PCSK5: variants seen among roughly 807,000 people sequenced by gnomAD.
The protein encoded by PCSK5 is prohormone convertase 5.
In PCSK5, 129 loss-of-function variants were observed where a neutral mutation model predicts 233.2. The ratio of observed to expected loss-of-function variants is 0.55; its 90% CI spans 0.48 to 0.64. The LOEUF is 0.64. Among genes scored for constraint, PCSK5 ranks in the 30% least tolerant of loss-of-function variants. The pLI is 0.00. For synonymous variants in PCSK5, 825 were observed against 879.2 expected (o/e 0.94, Z 1.09); for missense variants, 2,076 against 2,430.1 (o/e 0.85, Z 3.06).
In PCSK5 at chr9:76,354,113, C is replaced by T. The variant is rs1257310652; in HGVS notation, c.5148C>T (p.Cys1716=). The stretch of plus-strand genomic sequence containing the variant: ...CAGGGGCCAAGAACTGCACCTTGTG[C>T]CCTGCCAACCTGGTGCTGCACATGG... ...KGPGAKNCTL[C]PANLVLHMDD... Residue 1716 remains cysteine, a synonymous_variant, in exon 37 of 38, where the codon TGC becomes TGT. Transcript: ENST00000674117. The T allele has an allele frequency of 1.9e-6, 3 of 1,604,576 alleles. No homozygotes were observed. Among genetic ancestry groups the T allele is most frequent in the Middle Eastern group, 1.7e-4 (1 of 6,054 alleles).
chr9:75,967,732 C>A (rs1026792778), intron 2 of PCSK5, among the ~76,000 whole-genome samples: 2 of 151,306 alleles, frequency 1.3e-5, no homozygotes, highest in Admixed American at 1.3e-4. Flanking sequence ...AACTCCCTCA[C>A]TGGGCTGTGA....
At chr9:76,354,644 G>C (rs574108609) in intron 37 of PCSK5, among the ~76,000 whole-genome samples, 9 of 152,158 alleles carry the variant, frequency 5.9e-5, no homozygotes, top group Non-Finnish European at 1.2e-4. Flanking sequence ...GGGCGTGGTG[G>C]TGCATACCTG....
intron 2 of PCSK5, among the ~76,000 whole-genome samples, chr9:75,981,040 A>G (rs1041408600): frequency 2.4e-4 from 37 of 152,238 alleles, no homozygotes; most frequent in African/African-American, 8.4e-4. Context: ...AGTTAGTTCA[A>G]AAAAGATACA....
rs1488870030 is a variant in PCSK5, at chr9:76,332,532, G to T, written c.4670G>T (p.Arg1557Ile). ...AGCTCTTGCAGGACATGTGAAGGGA[G>T]ACACAGCAGGCAGTGCCACTCCTGC... ...CHSSCRTCEG[R>I]HSRQCHSCRP... The change falls in exon 34 of 38, where the codon AGA (arginine) becomes ATA (isoleucine). Residue 1557 changes from arginine to isoleucine, a missense_variant. Arg to Ile is a moderately conservative substitution (Grantham distance 97). Coordinates refer to ENST00000674117, the MANE Select transcript of PCSK5 (RefSeq NM_001372043.1). 1 of 1,612,588 alleles carries T rather than the reference G, an allele frequency of 6.2e-7. No individual in the cohort carries two copies. The highest frequency in any genetic ancestry group is 1.3e-5 in the African/African-American group (1 of 74,938).
intron 3 of PCSK5, among the ~76,000 whole-genome samples, chr9:75,986,568 A>G (rs569131310): frequency 6.2e-4 from 94 of 152,320 alleles, no homozygotes; most frequent in Non-Finnish European, 1.2e-3. Context: ...CCTTAGACCT[A>G]TCAATAATCA....
At chr9:75,909,272 G>T (rs1453343199) in intron 1 of PCSK5, among the ~76,000 whole-genome samples, 1 of 151,856 alleles carries the variant, frequency 6.6e-6, no homozygotes, top group African/African-American at 2.4e-5. Context: ...GTTGCAATGA[G>T]CCAAGATCGC....
chr9:76,319,357 T>C (rs202094272), intron 30 of PCSK5, among the ~76,000 whole-genome samples: 2 of 143,294 alleles, frequency 1.4e-5, no homozygotes, highest in Admixed American at 1.4e-4. Flanking sequence ...AGAATAAGAA[T>C]AGTCATAATA....
At chr9:76,067,472 T>C (rs564008428) in intron 5 of PCSK5, among the ~76,000 whole-genome samples, 7 of 152,362 alleles carry the variant, frequency 4.6e-5, no homozygotes, top group South Asian at 4.1e-4. Context: ...TGCTAATAAA[T>C]TGTTATTGGA....
At chr9:76,009,438 C>T (rs1827627663) in intron 3 of PCSK5, among the ~76,000 whole-genome samples, 1 of 151,892 alleles carries the variant, frequency 6.6e-6, no homozygotes, top group East Asian at 1.9e-4. Context: ...ACCAGCCTGG[C>T]CAACATGGTG....
intron 5 of PCSK5, among the ~76,000 whole-genome samples, chr9:76,064,484 G>A (rs1327617464): frequency 6.8e-6 from 1 of 147,196 alleles, no homozygotes; most frequent in Non-Finnish European, 1.5e-5. Context: ...CCTCCCGGAT[G>A]GGGCGGCTGG....
At chr9:76,081,091 G>A (rs151320410) in intron 7 of PCSK5, among the ~76,000 whole-genome samples, 90 of 152,194 alleles carry the variant, frequency 5.9e-4, no homozygotes, top group African/African-American at 2.1e-3. Context: ...AGGGGTTGGG[G>A]GTAGAGAGGT....
At position 76,327,161 on chromosome 9, in the gene PCSK5, C is replaced by T. The variant is rs982915078; in HGVS notation, c.4340-848C>T. Among the ~76,000 whole-genome samples the T allele has an allele frequency of 6.1e-5, 9 of 147,750 alleles. No individual in the cohort carries two copies. The Admixed American group carries it at 6.2e-4, about 10-fold the overall frequency. On this transcript the variant is annotated intron_variant, in intron 32 of 37. Coordinates refer to ENST00000674117, the MANE Select transcript of PCSK5 (RefSeq NM_001372043.1). ...TCACTCTGTCACCCAGGCTGGAGTGCAGTGGTGCAATCACAGCTCACTGCA... is the reference window on the plus strand; with the variant it reads ...TCACTCTGTCACCCAGGCTGGAGTGTAGTGGTGCAATCACAGCTCACTGCA...
At chr9:75,974,249 G>T (rs554298726) in intron 2 of PCSK5, among the ~76,000 whole-genome samples, 95 of 152,254 alleles carry the variant, frequency 6.2e-4, no homozygotes, top group African/African-American at 2.2e-3. Flanking sequence ...CCGTAGGGCT[G>T]GCGTAGGACC....
intron 5 of PCSK5, among the ~76,000 whole-genome samples, chr9:76,054,184 C>T (rs1271862777): frequency 6.6e-6 from 1 of 152,084 alleles, no homozygotes; most frequent in Non-Finnish European, 1.5e-5. Context: ...CTGGTCCCTC[C>T]GAGGATGCAT....
intron 24 of PCSK5, among the ~76,000 whole-genome samples, chr9:76,283,832 C>G (rs1027945257): frequency 6.6e-6 from 1 of 152,190 alleles, no homozygotes; most frequent in African/African-American, 2.4e-5. Context: ...TCATTCACAT[C>G]TATATTTCCA....
rs544390920 is a variant in PCSK5 at position 76,323,067 on chromosome 9, T to A, written c.4118T>A (p.Phe1373Tyr). Residue 1373 changes from phenylalanine to tyrosine, a missense_variant, in exon 32 of 38, where the codon TTC becomes TAC. Physicochemically the swap from Phe to Tyr is conservative, Grantham distance 22. Around this residue, in one of 6 missense-constraint regions of PCSK5, gnomAD observed 1,510 missense variants for 1,538.1 expected, o/e 0.98. Coordinates refer to ENST00000674117, the MANE Select transcript of PCSK5 (RefSeq NM_001372043.1). ...EKTCKECTPE[F>Y]FLHDDMCHQS... ...CTTTTCCCAGAGTGCACGCCTGAGT[T>A]CTTCCTGCACGATGATATGTGCCAC... 16 of 1,601,308 alleles carry A rather than the reference T, an allele frequency of 1.0e-5. No homozygotes were observed. In the East Asian group the frequency reaches 3.4e-4, roughly 34 times the overall value.
intron 8 of PCSK5, among the ~76,000 whole-genome samples, chr9:76,104,593 T>C (rs1270792708): frequency 6.6e-6 from 1 of 152,250 alleles, no homozygotes; most frequent in East Asian, 1.9e-4. Context: ...ATATTACTAT[T>C]GCAAATGCAA....
At chr9:75,941,559 C>T (rs1824305680) in intron 2 of PCSK5, among the ~76,000 whole-genome samples, 1 of 152,112 alleles carries the variant, frequency 6.6e-6, no homozygotes, top group African/African-American at 2.4e-5. Context: ...CTTAGGACAG[C>T]TCTCTCGTTT....
chr9:75,935,783 G>T (rs1824028776), intron 2 of PCSK5, among the ~76,000 whole-genome samples: 1 of 152,066 alleles, frequency 6.6e-6, no homozygotes, highest in Admixed American at 6.5e-5. Context: ...TTCAGGTTTG[G>T]CAAGAACATT....
Sources: allele counts gnomAD v4.1 joint callset (sites outside exome capture counted in the v4.1 genomes callset), GRCh38; gene constraint gnomAD v4.1.1; regional missense constraint gnomAD v4.1.1; transcripts MANE v1.5; gene names NCBI Gene and HGNC (gene_info 2026-07-23, HGNC 2026-07-21).